DNAAF4: variants seen among roughly 807,000 people sequenced by gnomAD.
The protein encoded by DNAAF4 is dynein axonemal assembly factor 4.
A neutral mutation model predicts 51.8 loss-of-function variants in DNAAF4; 43 were observed. The observed-to-expected ratio is 0.83, with a 90% confidence interval of 0.65 to 1.07. The LOEUF is 1.07. Ranked by LOEUF, DNAAF4 falls within the 50% of genes least tolerant of loss-of-function variation. DNAAF4 has a pLI of 0.00. For missense variants in DNAAF4, 581 were observed against 493.0 expected (o/e 1.18, Z -1.69); for synonymous variants, 194 against 165.6 (o/e 1.17, Z -1.32).
At chr15:55,454,256 G>A (rs1260313362) in intron 5 of DNAAF4, among the ~76,000 whole-genome samples, 13 of 151,706 alleles carry the variant, frequency 8.6e-5, no homozygotes, top group Non-Finnish European at 1.3e-4. Context: ...AGCTGAGATC[G>A]TGCCACTGCA....
chr15:55,470,869 T>TG (rs2058245435), intron 4 of DNAAF4, among the ~76,000 whole-genome samples: 2 of 147,340 alleles, frequency 1.4e-5, no homozygotes, highest in African/African-American at 5.1e-5. Context: ...TTTTTTTTTT[T>TG]GAGACAAGGT....
At chr15:55,450,446 T>A in intron 5 of DNAAF4, 79 bp from the exon 6 acceptor site, 3 of 1,440,944 alleles carry the variant, frequency 2.1e-6, no homozygotes, top group Non-Finnish European at 2.8e-6. Context: ...TAATTACACA[T>A]CAAAGCTCAC....
At chr15:55,487,280 G>A (rs1044810687) in intron 4 of DNAAF4, among the ~76,000 whole-genome samples, 1 of 152,068 alleles carries the variant, frequency 6.6e-6, no homozygotes, top group African/African-American at 2.4e-5. Flanking sequence ...TCAGTGCTCT[G>A]TGTCTAGCTA....
chr15:55,437,610 G>C (rs2057635601), intron 7 of DNAAF4, among the ~76,000 whole-genome samples: 1 of 152,132 alleles, frequency 6.6e-6, no homozygotes, highest in Admixed American at 6.6e-5. Flanking sequence ...AGAGTTTGAT[G>C]GAGAGAGTAC....
chr15:55,489,752 T>C (rs1391672918), intron 4 of DNAAF4, among the ~76,000 whole-genome samples: 2 of 149,128 alleles, frequency 1.3e-5, no homozygotes, highest in African/African-American at 4.9e-5. Flanking sequence ...CTGTTGATAA[T>C]AGAAAACAAT....
chr15:55,418,290 T>C (rs2057355205), intron 7 of DNAAF4: 1 of 1,550,362 alleles, frequency 6.5e-7, no homozygotes, highest in African/African-American at 1.4e-5. Flanking sequence ...CCTCCTTGTG[T>C]GAACCCTGGC....
chr15:55,428,449 C>A (rs1194924216), downstream of DNAAF4, among the ~76,000 whole-genome samples: 1 of 142,966 alleles, frequency 7.0e-6, no homozygotes, highest in African/African-American at 2.6e-5. Flanking sequence ...AAGATAAATT[C>A]AGTTAAGTTA....
chr15:55,475,368 A>G (rs906332998), intron 4 of DNAAF4, among the ~76,000 whole-genome samples: 2 of 152,200 alleles, frequency 1.3e-5, no homozygotes, highest in African/African-American at 4.8e-5. Flanking sequence ...AAAAGTCTTT[A>G]GTCTAGAAAA....
intron 5 of DNAAF4, among the ~76,000 whole-genome samples, chr15:55,461,367 AT>A (rs1249153623): frequency 6.6e-6 from 1 of 152,246 alleles, no homozygotes; most frequent in East Asian, 1.9e-4. Context: ...AAGTACTGAG[AT>A]TACAGGTGTG....
chr15:55,458,330 A>G (rs988202273), intron 5 of DNAAF4, among the ~76,000 whole-genome samples: 3 of 152,200 alleles, frequency 2.0e-5, no homozygotes, highest in African/African-American at 7.2e-5. Flanking sequence ...AGAAATAGAT[A>G]TTATAAAGAA....
At chr15:55,445,385 T>A (rs114395821) in intron 6 of DNAAF4, among the ~76,000 whole-genome samples, 20,917 of 152,094 alleles carry the variant, frequency 0.14, 2,031 homozygotes, top group African/African-American at 0.28. Flanking sequence ...CAGCATCCCA[T>A]GCAGAAGAAT....
At chr15:55,447,452 C>T (rs556166301) in intron 6 of DNAAF4, among the ~76,000 whole-genome samples, 3 of 151,930 alleles carry the variant, frequency 2.0e-5, no homozygotes, top group South Asian at 2.1e-4. Context: ...TGTAGCGAGC[C>T]GAGATCATGC....
At chr15:55,459,647 T>C (rs1292961621) in intron 5 of DNAAF4, among the ~76,000 whole-genome samples, 1 of 152,090 alleles carries the variant, frequency 6.6e-6, no homozygotes, top group Non-Finnish European at 1.5e-5. Context: ...AAAAAGATAT[T>C]CCATGCAAAT....
chr15:55,428,466 TCTCA>T (rs202018167), downstream of DNAAF4, among the ~76,000 whole-genome samples: 1,447 of 147,136 alleles, frequency 9.8e-3, 10 homozygotes, highest in Non-Finnish European at 0.014. Context: ...GTTAAATCTC[TCTCA>T]CTGTCTTTTT....
chr15:55,474,015 A>G (rs2058303196), intron 4 of DNAAF4, among the ~76,000 whole-genome samples: 1 of 152,068 alleles, frequency 6.6e-6, no homozygotes, highest in Non-Finnish European at 1.5e-5. Flanking sequence ...TAAAAAATAA[A>G]AGAAATATTA....
intron 6 of DNAAF4, 48 bp downstream of exon 6, chr15:55,450,174 T>G: frequency 1.3e-6 from 2 of 1,525,216 alleles, no homozygotes. Context: ...GAAATAAAAA[T>G]AAAGTATTTT....
intron 8 of DNAAF4, among the ~76,000 whole-genome samples, chr15:55,433,860 T>TA (rs2057543940): frequency 5.6e-5 from 3 of 53,416 alleles, no homozygotes; most frequent in Non-Finnish European, 1.1e-4. Context: ...TATATTATAA[T>TA]ATATATTATA....
chr15:55,439,114 T>C (rs929731328), intron 7 of DNAAF4, among the ~76,000 whole-genome samples: 3 of 152,190 alleles, frequency 2.0e-5, no homozygotes, highest in Non-Finnish European at 2.9e-5. Context: ...ACTTTGTTTG[T>C]TCAAAGACAG....
intron 7 of DNAAF4, chr15:55,418,517 G>A: frequency 3.9e-6 from 6 of 1,523,966 alleles, no homozygotes; most frequent in Non-Finnish European, 5.3e-6. Flanking sequence ...TCTAAATACT[G>A]CACCTGACAG....
Sources: gnomAD v4.1 joint callset for allele counts (sites outside exome capture counted in the v4.1 genomes callset) on GRCh38, gnomAD v4.1.1 for gene constraint, MANE v1.5 for transcripts, NCBI Gene and HGNC (gene_info 2026-07-23, HGNC 2026-07-21) for gene names.